CEMIP: variants seen among roughly 807,000 people sequenced by gnomAD.
CEMIP encodes cell migration-inducing and hyaluronan-binding protein.
In CEMIP, 105 loss-of-function variants were observed where a neutral mutation model predicts 156.9. The observed-to-expected ratio is 0.67, with a 90% CI of 0.57 to 0.79. The LOEUF is 0.79. Ranked by LOEUF, CEMIP falls within the 30% of genes least tolerant of loss-of-function variation. The probability of loss-of-function intolerance (pLI) is 0.00; values close to 1 mark genes in which losing one functional copy is unlikely to be tolerated. For missense variants in CEMIP, 1,457 were observed against 1,769.4 expected (o/e 0.82, Z 3.17); for synonymous variants, 676 against 668.4 (o/e 1.01, Z -0.17).
chr15:80,850,852 T>G (rs1897700062), intron 1 of CEMIP, among the ~76,000 whole-genome samples: 1 of 152,060 alleles, frequency 6.6e-6, no homozygotes, highest in Admixed American at 6.5e-5. Context: ...GAATCCAAGG[T>G]AGGATTGAGA....
Position 80,920,992 on chromosome 15 carries a change from G to A in CEMIP, c.2004-40G>A, listed in dbSNP as rs895157490. 3.8e-6 allele frequency: 6 copies of A among 1,583,376 alleles called. No individual in the cohort carries two copies. In the African/African-American group the frequency reaches 5.4e-5, roughly 14 times the overall value. Reference sequence around the variant, plus strand: ...CCATGTGGCAGGATGACCCCTGGCGGCCCTTTATCTGATCTCAGGTATCTC... The same window carrying A: ...CCATGTGGCAGGATGACCCCTGGCGACCCTTTATCTGATCTCAGGTATCTC... On this transcript the variant is annotated intron_variant, in intron 15 of 29. Transcript: ENST00000394685.
intron 1 of CEMIP, among the ~76,000 whole-genome samples, chr15:80,789,299 G>A (rs1160040911): frequency 6.6e-6 from 1 of 152,196 alleles, no homozygotes; most frequent in Non-Finnish European, 1.5e-5. Context: ...AGACAGGAAC[G>A]TGTGTCCTCT....
In CEMIP at chr15:80,942,809, G is replaced by C. The variant is rs186132850; in HGVS notation, c.3700-136G>C. 70 of 1,015,306 alleles carry C rather than the reference G, an allele frequency of 6.9e-5. No individual in the cohort carries two copies. In the African/African-American group the frequency reaches 9.9e-4, roughly 14 times the overall value. 62.9% of individuals were successfully genotyped at this position (1,015,306 alleles called of 1,614,324 possible). ...ACTACTGAGGGCTACGAGGAGTTAA[G>C]TGGATAATGGAGTTTACGCTTCAAA... On this transcript the variant is annotated intron_variant, in intron 27 of 29. Coordinates refer to ENST00000394685, the MANE Select transcript of CEMIP (RefSeq NM_001293298.2).
At chr15:80,900,703 T>C in intron 12 of CEMIP, 2 of 319,794 alleles carry the variant, frequency 6.3e-6, no homozygotes, top group Non-Finnish European at 1.2e-5. Flanking sequence ...TTTGTGTCTG[T>C]CTGTTCTGGA....
intron 7 of CEMIP, 28 bp downstream of exon 7, chr15:80,884,382 G>A: frequency 6.2e-7 from 1 of 1,610,320 alleles, no homozygotes; most frequent in Non-Finnish European, 8.5e-7. Flanking sequence ...GGCTTCCACT[G>A]GGCTCTGGAA....
chr15:80,877,271 G>C (rs904952603), intron 3 of CEMIP, among the ~76,000 whole-genome samples: 1 of 152,200 alleles, frequency 6.6e-6, no homozygotes, highest in Non-Finnish European at 1.5e-5. Context: ...TCCCTCCCAG[G>C]GTTTCTTTGC....
In CEMIP at chr15:80,873,638, T is replaced by C. The variant is rs553442459; in HGVS notation, c.-75T>C. On this transcript the variant is annotated 5_prime_UTR_variant, in exon 2 of 30. Transcript: ENST00000394685. ...CTGCAGGACACAGGCAGGACAACGG[T>C]AGGATTTTCATGCCCCGATCTGCCT... 1 of 532,716 alleles carries C rather than the reference T, an allele frequency of 1.9e-6. No homozygotes were observed. Among genetic ancestry groups the C allele is most frequent in the South Asian group, 2.0e-5 (1 of 49,270 alleles). 33.0% of individuals were successfully genotyped at this position (532,716 alleles called of 1,614,324 possible). A position where few individuals can be genotyped will look rare whatever the true frequency, so the allele number is the denominator to read the frequency against.
chr15:80,839,467 C>T (rs1034330447), intron 1 of CEMIP, among the ~76,000 whole-genome samples: 45 of 152,306 alleles, frequency 3.0e-4, no homozygotes, highest in African/African-American at 1.0e-3. Flanking sequence ...CCTGGGCTCC[C>T]TGCAAACCGG....
chr15:80,936,169 GCAC>G (rs1302013649), intron 23 of CEMIP, among the ~76,000 whole-genome samples: 2 of 152,228 alleles, frequency 1.3e-5, no homozygotes, highest in Admixed American at 6.5e-5. Context: ...GTGTGTTGTG[GCAC>G]CACAAGGACT....
chr15:80,907,002 A>C (rs1489881532), intron 13 of CEMIP, among the ~76,000 whole-genome samples, 164 bp downstream of exon 13: 1 of 69,224 alleles, frequency 1.4e-5, no homozygotes, highest in Non-Finnish European at 3.0e-5. Context: ...ATTATCCATT[A>C]GTGTGCAGCT....
intron 1 of CEMIP, among the ~76,000 whole-genome samples, chr15:80,803,917 G>C (rs2866881): frequency 0.16 from 24,061 of 152,220 alleles, 2,064 homozygotes; most frequent in East Asian, 0.27. Flanking sequence ...ACAAACTCGA[G>C]ACTGGATAAT....
intron 1 of CEMIP, among the ~76,000 whole-genome samples, chr15:80,838,384 G>T (rs1304554745): frequency 6.6e-6 from 1 of 151,952 alleles, no homozygotes; most frequent in African/African-American, 2.4e-5. Flanking sequence ...ATGTTTGTTT[G>T]GGTTTTCTGG....
At chr15:80,853,578 G>C (rs1442773473) in intron 1 of CEMIP, among the ~76,000 whole-genome samples, 1 of 152,144 alleles carries the variant, frequency 6.6e-6, no homozygotes, top group African/African-American at 2.4e-5. Flanking sequence ...CCTAAGAAGG[G>C]AATTGACCCA....
intron 1 of CEMIP, among the ~76,000 whole-genome samples, chr15:80,849,558 C>T (rs756129417): frequency 3.3e-5 from 5 of 152,158 alleles, no homozygotes; most frequent in Non-Finnish European, 5.9e-5. Context: ...TGAGGGTTCT[C>T]GGGCCAGTTC....
Position 80,795,441 on chromosome 15 carries a change from A to T in CEMIP, c.-176+15827A>T, listed in dbSNP as rs560814057. On this transcript the variant is annotated intron_variant, in intron 1 of 29. Coordinates refer to ENST00000394685, the MANE Select transcript of CEMIP (RefSeq NM_001293298.2). ...GGTGGATCCAGCTGGTGTTTAGGAGATGCAATGGACAGACAGGATGGTGGA... is the reference window on the plus strand; with the variant it reads ...GGTGGATCCAGCTGGTGTTTAGGAGTTGCAATGGACAGACAGGATGGTGGA... Among the ~76,000 whole-genome samples, 167 of 151,904 alleles carry T rather than the reference A, an allele frequency of 1.1e-3. 1 individual carries two copies. Among genetic ancestry groups the T allele is most frequent in the African/African-American group, 3.7e-3 (153 of 41,412 alleles).
intron 1 of CEMIP, among the ~76,000 whole-genome samples, chr15:80,801,910 G>T (rs939689214): frequency 6.6e-6 from 1 of 152,292 alleles, no homozygotes; most frequent in Middle Eastern, 3.4e-3. Context: ...ATTGTATTAG[G>T]TATTATAAGT....
At chr15:80,867,159 C>T (rs905486596) in intron 1 of CEMIP, among the ~76,000 whole-genome samples, 1 of 152,200 alleles carries the variant, frequency 6.6e-6, no homozygotes, top group Admixed American at 6.5e-5. Flanking sequence ...CAGCAACAGC[C>T]TCCCCTGGGA....
Position 80,889,555 on chromosome 15 carries a change from A to G in CEMIP, c.1049A>G (p.His350Arg). 3.7e-6 allele frequency: 6 copies of G among 1,614,194 alleles called. No individual in the cohort carries two copies. Among genetic ancestry groups the G allele is most frequent in the Non-Finnish European group, 4.2e-6 (5 of 1,180,016 alleles). Residue 350 changes from histidine to arginine, a missense_variant, in exon 10 of 30, where the codon CAC becomes CGC. His to Arg is a conservative substitution (Grantham distance 29). Around this residue, in one of 5 missense-constraint regions of CEMIP, gnomAD observed 280 missense variants for 300.3 expected, o/e 0.93. Coordinates refer to ENST00000394685, the MANE Select transcript of CEMIP (RefSeq NM_001293298.2). Reference sequence around the variant, plus strand: ...AAAATTTCAGACCTCTGGAAAGCTCACCCAGGAAAAATATGCAATCGTCCC... The same window carrying G: ...AAAATTTCAGACCTCTGGAAAGCTCGCCCAGGAAAAATATGCAATCGTCCC... ...GEKISDLWKA[H>R]PGKICNRPID...
intron 28 of CEMIP, among the ~76,000 whole-genome samples, chr15:80,943,552 A>G (rs1189854055): frequency 3.3e-5 from 5 of 152,274 alleles, no homozygotes; most frequent in Middle Eastern, 3.4e-3. Flanking sequence ...TAAAATGTTT[A>G]ACCTCCCAAA....
Sources: allele counts gnomAD v4.1 joint callset (sites outside exome capture counted in the v4.1 genomes callset), GRCh38; gene constraint gnomAD v4.1.1; regional missense constraint gnomAD v4.1.1; transcripts MANE v1.5; gene names NCBI Gene and HGNC (gene_info 2026-07-23, HGNC 2026-07-21).